The following CRYL1 variants were observed in gnomAD, a reference collection of about 807,000 sequenced individuals.
CRYL1 encodes the protein crystallin lambda 1.
In CRYL1, 29 loss-of-function variants were observed where a neutral mutation model predicts 36.6. The ratio of observed to expected loss-of-function variants is 0.79; its 90% CI spans 0.59 to 1.08. The LOEUF (loss-of-function observed/expected upper bound fraction) is 1.08, where lower values mean the gene tolerates loss of function less well. Among genes scored for constraint, CRYL1 ranks in the 50% least tolerant of loss-of-function variants. The pLI, the probability that CRYL1 is intolerant of heterozygous loss-of-function variation, is 0.00. For synonymous variants in CRYL1, 152 were observed against 151.5 expected (o/e 1.00, Z -0.02); for missense variants, 411 against 407.9 (o/e 1.01, Z -0.06).
At position 20,525,143 on chromosome 13, in the gene CRYL1, C is replaced by G. The variant is rs757096682; in HGVS notation, c.41+611G>C. ...TAGCAAACTCTCTGGGCTCCATCGG[C>G]CCCCACCTCCCCTCTGGAAACATCG... On this transcript the variant is annotated intron_variant, in intron 1 of 7. Transcript: ENST00000298248. This position sits in a 1 kb window ranked among gnomAD's most constrained non-coding sequence, Gnocchi z 4.3. Among the ~76,000 whole-genome samples, 44 of 152,106 alleles carry G rather than the reference C, an allele frequency of 2.9e-4. No individual in the cohort carries two copies. Among genetic ancestry groups the G allele is most frequent in the Non-Finnish European group, 4.7e-4 (32 of 68,008 alleles).
chr13:20,412,601 A>ATT (rs2031552406), intron 6 of CRYL1, among the ~76,000 whole-genome samples: 1 of 152,196 alleles, frequency 6.6e-6, no homozygotes, highest in Admixed American at 6.5e-5. Context: ...TGGTTATCAA[A>ATT]TGACATTTTC....
At chr13:20,404,498 T>A (rs2031312686) in intron 7 of CRYL1, 137 bp downstream of exon 7, 2 of 671,502 alleles carry the variant, frequency 3.0e-6, no homozygotes, top group Non-Finnish European at 5.3e-6. Flanking sequence ...AACAAAGTTA[T>A]GAATGAGGAA....
chr13:20,500,676 C>T (rs1046684126), intron 2 of CRYL1, among the ~76,000 whole-genome samples: 1 of 152,120 alleles, frequency 6.6e-6, no homozygotes, highest in Non-Finnish European at 1.5e-5. Context: ...GCCTTTGATT[C>T]CTGGATGGTC....
In CRYL1 at chr13:20,481,258, C is replaced by T. The variant is rs896931628; in HGVS notation, c.276+8112G>A. The stretch of plus-strand genomic sequence containing the variant: ...CGCACCTTAGTAATGTCATACCACT[C>T]AGCAACAAATTACCAATCAACACAA... On this transcript the variant is annotated intron_variant, in intron 3 of 7. Transcript: ENST00000298248. This position sits in a 1 kb window ranked among gnomAD's most constrained non-coding sequence, Gnocchi z 4.1. Among the ~76,000 whole-genome samples, 1 of 152,194 alleles carries T rather than the reference C, an allele frequency of 6.6e-6. No homozygotes were observed.
chr13:20,430,004 C>A (rs2032020408), intron 5 of CRYL1, among the ~76,000 whole-genome samples: 1 of 152,082 alleles, frequency 6.6e-6, no homozygotes, highest in Non-Finnish European at 1.5e-5. Context: ...CTCCTCCTCC[C>A]CGAACTCCTC....
intron 3 of CRYL1, among the ~76,000 whole-genome samples, chr13:20,475,713 A>G (rs1340470019): frequency 3.9e-5 from 6 of 152,216 alleles, no homozygotes; most frequent in African/African-American, 1.4e-4. Flanking sequence ...ACAGAGGGGA[A>G]TCACCTGATG....
chr13:20,500,198 C>G (rs977997613), intron 2 of CRYL1, among the ~76,000 whole-genome samples: 6 of 152,086 alleles, frequency 3.9e-5, no homozygotes, highest in Non-Finnish European at 7.4e-5. Flanking sequence ...ATTGCTCATT[C>G]TTTTTGTTTT....
At chr13:20,508,741 C>G (rs917288222) in intron 2 of CRYL1, among the ~76,000 whole-genome samples, 1 of 150,220 alleles carries the variant, frequency 6.7e-6, no homozygotes, top group East Asian at 2.0e-4. Context: ...CCCAGCTACT[C>G]AGGAGGCTGA....
intron 5 of CRYL1, chr13:20,430,677 G>A (rs1928374): frequency 0.99 from 978,573 of 985,318 alleles, 486,256 homozygotes; most frequent in South Asian, 1. Context: ...CCTTCCTTGA[G>A]TGGGCTCACA....
At chr13:20,443,952 G>A (rs912022826) in intron 3 of CRYL1, among the ~76,000 whole-genome samples, 2 of 152,104 alleles carry the variant, frequency 1.3e-5, no homozygotes, top group Admixed American at 6.5e-5. Flanking sequence ...AGATGGAGGC[G>A]TTCTACATTA....
chr13:20,403,905 A>T lies in CRYL1; in HGVS notation c.*224T>A. On this transcript the variant is annotated 3_prime_UTR_variant, in exon 8 of 8. Coordinates refer to ENST00000298248, the MANE Select transcript of CRYL1 (RefSeq NM_015974.3). ...TATCTGCCCAGGTGGCAGGAAATCG[A>T]CAGCCCCGAGAACGCAAGTGCTGCT... 1 of 382,826 alleles carries T rather than the reference A, an allele frequency of 2.6e-6. No individual in the cohort carries two copies. Among genetic ancestry groups the T allele is most frequent in the Non-Finnish European group, 4.7e-6 (1 of 214,950 alleles). The allele number at this position is 382,826 out of a possible 1,614,324, so 23.7% of individuals were successfully genotyped here.
At position 20,415,928 on chromosome 13, in the gene CRYL1, G is replaced by C. The variant is rs574690845; in HGVS notation, c.634-2541C>G. 8.3e-4 allele frequency among the ~76,000 whole-genome samples: 126 copies of C among 152,344 alleles called. 1 individual carries two copies. The highest frequency in any genetic ancestry group is 2.9e-3 in the African/African-American group (120 of 41,584). Reference sequence around the variant, plus strand: ...CATGTGTCCATCTCCTTGATGCAGAGATATGAGTTTAGTCATCCACCCTGC... The same window carrying C: ...CATGTGTCCATCTCCTTGATGCAGACATATGAGTTTAGTCATCCACCCTGC... On this transcript the variant is annotated intron_variant, in intron 5 of 7. Coordinates refer to ENST00000298248, the MANE Select transcript of CRYL1 (RefSeq NM_015974.3). The surrounding 1 kb of genome is among the most constrained non-coding windows in gnomAD (Gnocchi z 4.1).
At chr13:20,485,650 C>G (rs2033380779) in intron 3 of CRYL1, among the ~76,000 whole-genome samples, 1 of 142,266 alleles carries the variant, frequency 7.0e-6, no homozygotes, top group African/African-American at 2.9e-5. Flanking sequence ...GCCTGGACAA[C>G]AGAGCCAGAC....
intron 3 of CRYL1, among the ~76,000 whole-genome samples, chr13:20,440,543 G>A (rs922649516): frequency 3.9e-5 from 6 of 152,144 alleles, no homozygotes; most frequent in Non-Finnish European, 7.4e-5. Flanking sequence ...GTCTGCCAAC[G>A]ATATGGGGGT....
chr13:20,411,226 C>T (rs772763231), intron 6 of CRYL1, among the ~76,000 whole-genome samples: 9 of 152,162 alleles, frequency 5.9e-5, no homozygotes, highest in Non-Finnish European at 1.3e-4. Context: ...TATAACTCTC[C>T]AACTCTGGTC....
At chr13:20,521,389 A>C (rs2034096472) in intron 1 of CRYL1, among the ~76,000 whole-genome samples, 1 of 152,166 alleles carries the variant, frequency 6.6e-6, no homozygotes, top group Non-Finnish European at 1.5e-5. Context: ...ACGGCCCCAG[A>C]GCTAGAAAGT....
chr13:20,479,841 G>T (rs1354157082), intron 3 of CRYL1, among the ~76,000 whole-genome samples: 1 of 152,176 alleles, frequency 6.6e-6, no homozygotes, highest in Non-Finnish European at 1.5e-5. Flanking sequence ...CCAGCCCTGG[G>T]GACAGAGCAT....
intron 3 of CRYL1, among the ~76,000 whole-genome samples, chr13:20,454,683 T>C (rs1405977611): frequency 6.6e-6 from 1 of 152,122 alleles, no homozygotes; most frequent in South Asian, 2.1e-4. Flanking sequence ...CCTCCCAAAG[T>C]GCTGGGATTA....
intron 5 of CRYL1, chr13:20,427,258 T>C (rs1310924631): frequency 1.0e-6 from 1 of 985,330 alleles, no homozygotes; most frequent in Non-Finnish European, 1.2e-6. Flanking sequence ...CATGTCCATC[T>C]GGCATTTCCA....
Sources: gnomAD v4.1 joint callset for allele counts (sites outside exome capture counted in the v4.1 genomes callset) on GRCh38, gnomAD v4.1.1 for gene constraint, Gnocchi (gnomAD v3.1) non-coding constraint, MANE v1.5 for transcripts, NCBI Gene and HGNC (gene_info 2026-07-23, HGNC 2026-07-21) for gene names.